Variants in HDAC8 observed in about 807,000 individuals in gnomAD.
The protein encoded by HDAC8 is histone deacetylase-like 1.
HDAC8 carries 1 observed loss-of-function variant against 32.2 expected under a neutral mutation model. That is an observed-to-expected ratio of 0.03 (90% CI 0.01 to 0.15). The LOEUF is 0.15. Ranked by LOEUF, HDAC8 falls within the 10% of genes least tolerant of loss-of-function variation. HDAC8 has a pLI of 1.00. For synonymous variants in HDAC8, 108 were observed against 113.9 expected (o/e 0.95, Z 0.33); for missense variants, 117 against 300.0 (o/e 0.39, Z 4.51).
At chrX:72,421,901 A>G (rs1204893490) in intron 9 of HDAC8, among the ~76,000 whole-genome samples, 2 of 112,003 alleles carry the variant, frequency 1.8e-5, no homozygotes, top group Non-Finnish European at 3.8e-5. Flanking sequence ...TTTTCACTCA[A>G]GTTTGAAGTG....
chrX:72,522,209 G>A (rs782637864), intron 4 of HDAC8, among the ~76,000 whole-genome samples: 31 of 112,150 alleles, frequency 2.8e-4, no homozygotes, highest in Non-Finnish European at 5.1e-4. Context: ...ACACCAACAC[G>A]AAGGAAGGGT....
In HDAC8 at chrX:72,458,714, T is replaced by A. The variant is rs187852200; in HGVS notation, c.1005+3290A>T. ...GTGGTGCAGACAACCAAAACAATGA[T>A]GACCAAATGAATGGCACAGACTGTA... On this transcript the variant is annotated intron_variant, in intron 9 of 10. Coordinates refer to ENST00000373573, the MANE Select transcript of HDAC8 (RefSeq NM_018486.3). 3.4e-4 allele frequency among the ~76,000 whole-genome samples: 38 copies of A among 112,067 alleles called. No homozygotes were observed. The East Asian group carries it at 8.4e-3, about 25-fold the overall frequency.
chrX:72,399,727 C>CATAA (rs2045856339), intron 9 of HDAC8, among the ~76,000 whole-genome samples: 2 of 111,909 alleles, frequency 1.8e-5, no homozygotes, highest in African/African-American at 6.5e-5. Context: ...TGTGCCTGGC[C>CATAA]TCTCCATTTC....
intron 10 of HDAC8, among the ~76,000 whole-genome samples, chrX:72,337,374 TG>T (rs2043729259): frequency 1.8e-5 from 2 of 111,890 alleles, no homozygotes; most frequent in East Asian, 2.8e-4. Flanking sequence ...CTTAGCCACA[TG>T]TGGCTAGTGG....
At chrX:72,485,823 T>C (rs2048652907) in intron 7 of HDAC8, among the ~76,000 whole-genome samples, 1 of 110,861 alleles carries the variant, frequency 9.0e-6, no homozygotes, top group African/African-American at 3.3e-5. Flanking sequence ...GGTCATGAAA[T>C]AAAAAGGATG....
chrX:72,491,031 G>C (rs1048491243), intron 5 of HDAC8, 25 bp from the exon 6 acceptor site: 2 of 1,059,410 alleles, frequency 1.9e-6, no homozygotes, highest in African/African-American at 3.7e-5. Flanking sequence ...AACATCAAAA[G>C]AATCACTTCA....
rs143300421 is a variant in HDAC8 at position 72,412,883 on chromosome X, T to C, written c.1005+49121A>G. The stretch of plus-strand genomic sequence containing the variant: ...TTTAGATGATGGGCAAAGTGAGCTG[T>C]GTAGACAAAAGAAAATATGTGAGTG... On this transcript the variant is annotated intron_variant, in intron 9 of 10. Coordinates refer to ENST00000373573, the MANE Select transcript of HDAC8 (RefSeq NM_018486.3). 3.1e-3 allele frequency among the ~76,000 whole-genome samples: 353 copies of C among 112,100 alleles called. 1 individual carries two copies. Among genetic ancestry groups the C allele is most frequent in the African/African-American group, 0.011 (343 of 30,870 alleles).
At chrX:72,501,902 A>G (rs2049229188) in intron 4 of HDAC8, among the ~76,000 whole-genome samples, 1 of 112,476 alleles carries the variant, frequency 8.9e-6, no homozygotes, top group Non-Finnish European at 1.9e-5. Context: ...CAGCATCTTT[A>G]AGGAACTTAA....
intron 4 of HDAC8, among the ~76,000 whole-genome samples, chrX:72,558,023 A>G (rs1377093356): frequency 1.8e-5 from 2 of 111,988 alleles, no homozygotes; most frequent in Non-Finnish European, 3.8e-5. Flanking sequence ...ACCCTCCTAC[A>G]TTAAACCAGG....
intron 7 of HDAC8, among the ~76,000 whole-genome samples, chrX:72,476,957 C>A (rs782171579): frequency 8.9e-6 from 1 of 112,000 alleles, no homozygotes; most frequent in East Asian, 2.8e-4. Flanking sequence ...TCTGGGAATA[C>A]AGTAATTCAT....
intron 4 of HDAC8, among the ~76,000 whole-genome samples, chrX:72,509,360 C>T (rs782196082): frequency 9.0e-6 from 1 of 111,292 alleles, no homozygotes; most frequent in East Asian, 2.8e-4. Flanking sequence ...CCGCCAGCCT[C>T]GGCCTCCCAA....
At chrX:72,439,163 A>G (rs2047043805) in intron 9 of HDAC8, among the ~76,000 whole-genome samples, 1 of 111,987 alleles carries the variant, frequency 8.9e-6, no homozygotes, top group Non-Finnish European at 1.9e-5. Flanking sequence ...AATATTCAAC[A>G]TTCTTAAAGA....
chrX:72,386,344 T>C (rs1202368194), intron 9 of HDAC8, among the ~76,000 whole-genome samples: 1 of 111,856 alleles, frequency 8.9e-6, no homozygotes, highest in South Asian at 3.8e-4. Flanking sequence ...GAAAATGAAC[T>C]GGAAAGATAC....
intron 4 of HDAC8, among the ~76,000 whole-genome samples, chrX:72,497,581 T>C (rs1435121612): frequency 9.0e-6 from 1 of 111,701 alleles, no homozygotes; most frequent in Non-Finnish European, 1.9e-5. Flanking sequence ...CAGGTAGATT[T>C]TTTTTCTACT....
At chrX:72,369,156 C>T (rs1555955515) in intron 9 of HDAC8, among the ~76,000 whole-genome samples, 1 of 106,534 alleles carries the variant, frequency 9.4e-6, no homozygotes, top group Non-Finnish European at 1.9e-5. Flanking sequence ...GGAAGTTGCC[C>T]AGCAGCACAG....
chrX:72,551,836 C>A (rs1287236086), intron 4 of HDAC8, among the ~76,000 whole-genome samples: 1 of 111,960 alleles, frequency 8.9e-6, no homozygotes, highest in Admixed American at 9.4e-5. Flanking sequence ...ATAATCTGAC[C>A]TTGTCCTATT....
Position 72,461,981 on chromosome X carries a change from G to A in HDAC8, c.1005+23C>T, listed in dbSNP as rs1555991867. On this transcript the variant is annotated intron_variant, in intron 9 of 10. Transcript: ENST00000373573. ...TCAGCTCTTCCCCTTAAAGAAGAGA[G>A]GACTTGTCAGAGCCTTACTTACCTC... The A allele has an allele frequency of 5.4e-6, 6 of 1,110,672 alleles. No individual in the cohort carries two copies. The South Asian group carries it at 1.1e-4, about 20-fold the overall frequency. 91.5% of individuals were successfully genotyped at this position (1,110,672 alleles called of 1,213,427 possible). A position where few individuals can be genotyped will look rare whatever the true frequency, so the allele number is the denominator to read the frequency against.
chrX:72,564,086 G>A (rs1309667029), intron 4 of HDAC8, among the ~76,000 whole-genome samples: 2 of 109,614 alleles, frequency 1.8e-5, no homozygotes, highest in Non-Finnish European at 3.8e-5. Context: ...CTTGAACCCG[G>A]GAGGCAGAGG....
At chrX:72,542,137 C>G (rs1556043581) in intron 4 of HDAC8, among the ~76,000 whole-genome samples, 1 of 112,412 alleles carries the variant, frequency 8.9e-6, no homozygotes, top group African/African-American at 3.2e-5. Flanking sequence ...GCTATCCTTT[C>G]TTTTCACATC....
Sources: gnomAD v4.1 joint callset for allele counts (sites outside exome capture counted in the v4.1 genomes callset) on GRCh38, gnomAD v4.1.1 for gene constraint, MANE v1.5 for transcripts, NCBI Gene and HGNC (gene_info 2026-07-23, HGNC 2026-07-21) for gene names.